PCSK2: variants seen among roughly 807,000 people sequenced by gnomAD.
PCSK2 encodes the protein neuroendocrine convertase 2.
A neutral mutation model predicts 69.7 loss-of-function variants in PCSK2; 14 were observed. The ratio of observed to expected loss-of-function variants is 0.20; its 90% CI spans 0.13 to 0.31. The LOEUF (loss-of-function observed/expected upper bound fraction) is 0.31, where lower values mean the gene tolerates loss of function less well. PCSK2 is among the 10% of genes least tolerant of loss of function. The probability of loss-of-function intolerance (pLI) is 1.00; values close to 1 mark genes in which losing one functional copy is unlikely to be tolerated. For missense variants in PCSK2, 544 were observed against 842.5 expected (o/e 0.65, Z 4.39); for synonymous variants, 307 against 320.7 (o/e 0.96, Z 0.46).
At chr20:17,442,929 G>A (rs1179977691) in intron 8 of PCSK2, among the ~76,000 whole-genome samples, 1 of 152,028 alleles carries the variant, frequency 6.6e-6, no homozygotes, top group Admixed American at 6.5e-5. Context: ...GAGTCTGGAA[G>A]TTCCCTTTGC....
intron 6 of PCSK2, among the ~76,000 whole-genome samples, chr20:17,410,602 A>C (rs2031849480): frequency 6.6e-6 from 1 of 152,278 alleles, no homozygotes; most frequent in African/African-American, 2.4e-5. Context: ...CTGCAACCTG[A>C]AAATGACATA....
chr20:17,233,523 T>C (rs1986221675), intron 1 of PCSK2, among the ~76,000 whole-genome samples: 1 of 152,100 alleles, frequency 6.6e-6, no homozygotes, highest in Non-Finnish European at 1.5e-5. Context: ...ATTCAGTAAA[T>C]TTAATTCATT....
chr20:17,372,118 G>A (rs997788525), intron 5 of PCSK2, among the ~76,000 whole-genome samples: 2 of 152,182 alleles, frequency 1.3e-5, no homozygotes, highest in Non-Finnish European at 2.9e-5. Context: ...ACTGTCTAGT[G>A]ATTAAGATAG....
In PCSK2 at chr20:17,448,893, CTT is replaced by C. The variant is rs11468966; in HGVS notation, c.886-4831_886-4830del. On this transcript the variant is annotated intron_variant, in intron 8 of 11. Coordinates refer to ENST00000262545, the MANE Select transcript of PCSK2 (RefSeq NM_002594.5). Reference sequence around the variant, plus strand: ...CTTAATTTCACCTAAATGCACTTGCCTTTTTTTTTTTTTTTTTTTCCTTTCAC... The same window carrying C: ...CTTAATTTCACCTAAATGCACTTGCCTTTTTTTTTTTTTTTTTCCTTTCAC... Among the ~76,000 whole-genome samples, 378 of 136,440 alleles carry C rather than the reference CTT, an allele frequency of 2.8e-3. 2 individuals are homozygous for C. The highest frequency in any genetic ancestry group is 9.6e-3 in the African/African-American group (351 of 36,482). The allele number at this position is 136,440 out of a possible 152,430, so 89.5% of individuals were successfully genotyped here.
intron 11 of PCSK2, among the ~76,000 whole-genome samples, chr20:17,470,540 G>A (rs2033181573): frequency 6.6e-6 from 1 of 152,164 alleles, no homozygotes; most frequent in South Asian, 2.1e-4. Context: ...CCCCCAGCAC[G>A]ACATCCAATT....
intron 2 of PCSK2, among the ~76,000 whole-genome samples, chr20:17,281,857 C>G (rs974201354): frequency 6.6e-6 from 1 of 152,192 alleles, no homozygotes; most frequent in African/African-American, 2.4e-5. Context: ...ACTGGTCCCA[C>G]CTATGGATAA....
intron 8 of PCSK2, among the ~76,000 whole-genome samples, chr20:17,440,667 C>G (rs4637193): frequency 0.072 from 10,960 of 152,100 alleles, 492 homozygotes; most frequent in East Asian, 0.17. Context: ...TCAAGACCAG[C>G]CTGATCAAAA....
chr20:17,342,362 G>T (rs1242856594), intron 2 of PCSK2, among the ~76,000 whole-genome samples: 1 of 152,196 alleles, frequency 6.6e-6, no homozygotes, highest in Non-Finnish European at 1.5e-5. Flanking sequence ...CTGTCACCCA[G>T]ACTGGAGTGC....
At chr20:17,477,047 A>G (rs2033303253) in intron 11 of PCSK2, among the ~76,000 whole-genome samples, 1 of 152,200 alleles carries the variant, frequency 6.6e-6, no homozygotes, top group South Asian at 2.1e-4. Flanking sequence ...GTTTAAGTCT[A>G]TATTTGTAAA....
intron 10 of PCSK2, among the ~76,000 whole-genome samples, chr20:17,457,243 C>A (rs1180690458): frequency 6.6e-6 from 1 of 152,154 alleles, no homozygotes; most frequent in Non-Finnish European, 1.5e-5. Context: ...ATGCAGTTCC[C>A]AGCAACTTGT....
intron 5 of PCSK2, among the ~76,000 whole-genome samples, chr20:17,409,018 C>T (rs188899517): frequency 5.3e-4 from 81 of 152,328 alleles, no homozygotes; most frequent in Non-Finnish European, 5.9e-5. Context: ...ACAGGGCTTA[C>T]ATTTGCTAAC....
intron 2 of PCSK2, among the ~76,000 whole-genome samples, chr20:17,317,594 T>C (rs533708870): frequency 1.3e-4 from 20 of 152,336 alleles, no homozygotes; most frequent in African/African-American, 4.8e-4. Context: ...TCTGTTCCTC[T>C]CCACCTCAAT....
At chr20:17,331,464 C>T (rs1000861041) in intron 2 of PCSK2, among the ~76,000 whole-genome samples, 2 of 152,148 alleles carry the variant, frequency 1.3e-5, no homozygotes, top group African/African-American at 4.8e-5. Context: ...CTGCAATCCA[C>T]CTGACAAGTA....
intron 6 of PCSK2, among the ~76,000 whole-genome samples, chr20:17,426,541 T>A (rs2032252765): frequency 6.6e-6 from 1 of 152,228 alleles, no homozygotes; most frequent in Admixed American, 6.5e-5. Context: ...GTAGGATGTG[T>A]ATACATATAA....
intron 2 of PCSK2, among the ~76,000 whole-genome samples, chr20:17,295,890 T>C (rs1265707945): frequency 6.6e-6 from 1 of 152,162 alleles, no homozygotes; most frequent in Non-Finnish European, 1.5e-5. Context: ...TGTATCCATA[T>C]TGATAACCAC....
intron 6 of PCSK2, among the ~76,000 whole-genome samples, chr20:17,426,736 G>A (rs1443963499): frequency 6.6e-6 from 1 of 152,188 alleles, no homozygotes. Flanking sequence ...GTCTTCCAGA[G>A]AATTCTCTCT....
At chr20:17,412,015 C>G (rs1414527716) in intron 6 of PCSK2, among the ~76,000 whole-genome samples, 1 of 152,156 alleles carries the variant, frequency 6.6e-6, no homozygotes, top group Non-Finnish European at 1.5e-5. Context: ...CACGAAAACC[C>G]CATTTGTAGA....
At chr20:17,237,043 A>G (rs1402397095) in intron 1 of PCSK2, among the ~76,000 whole-genome samples, 1 of 152,210 alleles carries the variant, frequency 6.6e-6, no homozygotes, top group Non-Finnish European at 1.5e-5. Context: ...TTATGGTGGC[A>G]CCAGCAGACA....
At chr20:17,467,682 C>A (rs1411038134) in intron 11 of PCSK2, among the ~76,000 whole-genome samples, 1 of 152,158 alleles carries the variant, frequency 6.6e-6, no homozygotes, top group Non-Finnish European at 1.5e-5. Context: ...GAATTCTATC[C>A]AAATGGGCCC....
Sources: allele counts gnomAD v4.1 joint callset (sites outside exome capture counted in the v4.1 genomes callset), GRCh38; gene constraint gnomAD v4.1.1; transcripts MANE v1.5; gene names NCBI Gene and HGNC (gene_info 2026-07-23, HGNC 2026-07-21).